PROSER2: variants seen among roughly 807,000 people sequenced by gnomAD.
PROSER2 encodes the protein proline and serine rich 2.
PROSER2 carries 18 observed loss-of-function variants against 14.6 expected under a neutral mutation model. That is an observed-to-expected ratio of 1.23 (90% CI 0.85 to 1.83). The LOEUF (loss-of-function observed/expected upper bound fraction) is 1.83, where lower values mean the gene tolerates loss of function less well. Ranked by LOEUF, PROSER2 falls within the 40% of genes most tolerant of loss-of-function variation. PROSER2 has a pLI of 0.00. For missense variants in PROSER2, 823 were observed against 629.8 expected (o/e 1.31, Z -3.28); for synonymous variants, 367 against 286.4 (o/e 1.28, Z -2.84).
intron 3 of PROSER2, among the ~76,000 whole-genome samples, chr10:11,868,145 T>TA (rs1834391872): frequency 6.6e-6 from 1 of 152,348 alleles, no homozygotes; most frequent in South Asian, 2.1e-4. Flanking sequence ...TGCTTTGAAA[T>TA]AGAGTTCCAA....
intron 1 of PROSER2, among the ~76,000 whole-genome samples, chr10:11,834,685 A>G (rs957027128): frequency 6.6e-6 from 1 of 152,156 alleles, no homozygotes; most frequent in Admixed American, 6.5e-5. Context: ...CAGTGAGCCA[A>G]GATCGCACCA....
intron 1 of PROSER2, among the ~76,000 whole-genome samples, chr10:11,843,134 G>GT (rs1455555109): frequency 1.3e-5 from 2 of 149,304 alleles, no homozygotes; most frequent in Non-Finnish European, 3.0e-5. Context: ...TATAGACGGG[G>GT]TTTCACCATG....
At chr10:11,829,926 C>T (rs1026606841) in intron 1 of PROSER2, among the ~76,000 whole-genome samples, 1 of 150,022 alleles carries the variant, frequency 6.7e-6, no homozygotes, top group African/African-American at 2.5e-5. Context: ...TCACCGCAGC[C>T]TCCACCTCCT....
At position 11,829,874 on chromosome 10, in the gene PROSER2, C is replaced by T. The variant is rs1015998286; in HGVS notation, c.-82+6404C>T. On this transcript the variant is annotated intron_variant, in intron 1 of 3. Transcript: ENST00000277570. ...TTTTTTTTTTTTTTAGACCAAGTCT[C>T]GCTCTGTCACCCAGGCTGGAGTGCA... is the stretch of plus-strand genomic sequence containing the variant. Among the ~76,000 whole-genome samples the T allele has an allele frequency of 5.4e-4, 64 of 119,522 alleles. 3 individuals are homozygous for T. The highest frequency in any genetic ancestry group is 1.6e-3 in the African/African-American group (53 of 32,232). 78.4% of individuals were successfully genotyped at this position (119,522 alleles called of 152,430 possible).
chr10:11,852,164 C>G lies in PROSER2; in HGVS notation c.87C>G (p.Gly29=). The G allele has an allele frequency of 6.2e-7, 1 of 1,613,284 alleles. No individual in the cohort carries two copies. The highest frequency in any genetic ancestry group is 8.5e-7 in the Non-Finnish European group (1 of 1,179,692). Residue 29 remains glycine (G), a synonymous_variant, in exon 2 of 4, where the codon GGC becomes GGG. Coordinates refer to ENST00000277570, the MANE Select transcript of PROSER2 (RefSeq NM_153256.4). ...GCAGGCTCCGAGCCTTCAGCAGAGG[C>G]GGCAGCCTGGAGAGTCGAAGCAGCA... is the stretch of plus-strand genomic sequence containing the variant. ...PSCRLRAFSR[G]GSLESRSSSS...
chr10:11,842,104 C>A (rs538384292), intron 1 of PROSER2, among the ~76,000 whole-genome samples: 60 of 152,064 alleles, frequency 3.9e-4, no homozygotes, highest in African/African-American at 1.4e-3. Context: ...AGCCTGTGGT[C>A]CCAGCTACTT....
rs1452627168 is a variant in PROSER2, at chr10:11,823,419, G to C, written c.-133G>C. 6.5e-6 allele frequency: 1 copy of C among 154,276 alleles called. No individual in the cohort carries two copies. Among genetic ancestry groups the C allele is most frequent in the Admixed American group, 6.5e-5 (1 of 15,272 alleles). 9.6% of individuals were successfully genotyped at this position (154,276 alleles called of 1,614,324 possible). A position where few individuals can be genotyped will look rare whatever the true frequency, so the allele number is the denominator to read the frequency against. On this transcript the variant is annotated 5_prime_UTR_variant, in exon 1 of 4. Coordinates refer to ENST00000277570, the MANE Select transcript of PROSER2 (RefSeq NM_153256.4). The surrounding 1 kb of genome is among the most constrained non-coding windows in gnomAD (Gnocchi z 6.2). ...AGACGGGCGGCGGCGTGAGGGCTCCGGGTCGCTGGCGGCGTGGACACCTGA... is the reference window on the plus strand; with the variant it reads ...AGACGGGCGGCGGCGTGAGGGCTCCCGGTCGCTGGCGGCGTGGACACCTGA...
rs367990641 is a variant in PROSER2 at position 11,869,734 on chromosome 10, G to C, written c.636G>C (p.Ser212=). The change falls in exon 4 of 4, where the codon TCG becomes TCC. Residue 212 remains serine, a synonymous_variant. Transcript: ENST00000277570. This position sits in a 1 kb window ranked among gnomAD's most constrained non-coding sequence, Gnocchi z 4.4. ...GGATGGCGGGGAACGAAGCCCTCTC[G>C]CCCACCTCCCCGTTCAGGGAGGGCC... The part of the protein sequence containing the change: ...SERMAGNEAL[S]PTSPFREGRP... 2 of 1,588,588 alleles carry C rather than the reference G, an allele frequency of 1.3e-6. No homozygotes were observed. Among genetic ancestry groups the C allele is most frequent in the Admixed American group, 1.8e-5 (1 of 56,842 alleles).
Position 11,854,571 on chromosome 10 carries a change from C to A in PROSER2, c.138+2356C>A, listed in dbSNP as rs182444490. On this transcript the variant is annotated intron_variant, in intron 2 of 3. Transcript: ENST00000277570. ...AGCAATCCTCCTGCCTCAGCCTTCG[C>A]AAGTGCTGGGATTATAGGCATGAGC... Among the ~76,000 whole-genome samples, 7 of 151,538 alleles carry A rather than the reference C, an allele frequency of 4.6e-5. No homozygotes were observed. In the South Asian group the frequency reaches 6.3e-4, roughly 14 times the overall value.
At chr10:11,828,941 C>CT (rs1380576023) in intron 1 of PROSER2, among the ~76,000 whole-genome samples, 1 of 152,062 alleles carries the variant, frequency 6.6e-6, no homozygotes, top group Non-Finnish European at 1.5e-5. Flanking sequence ...AGAACACCAG[C>CT]TGGAGAACGT....
At chr10:11,855,982 G>A (rs1167794982) in intron 2 of PROSER2, among the ~76,000 whole-genome samples, 1 of 152,140 alleles carries the variant, frequency 6.6e-6, no homozygotes, top group Admixed American at 6.6e-5. Context: ...TTAATGAAAG[G>A]TATAGGTAGA....
intron 2 of PROSER2, among the ~76,000 whole-genome samples, chr10:11,861,927 CTA>C (rs1834248713): frequency 6.6e-6 from 1 of 152,196 alleles, no homozygotes; most frequent in African/African-American, 2.4e-5. Flanking sequence ...ACACTGGAAA[CTA>C]TGAGAAACAT....
At chr10:11,853,198 T>C (rs751098929) in intron 2 of PROSER2, among the ~76,000 whole-genome samples, 7 of 152,218 alleles carry the variant, frequency 4.6e-5, no homozygotes, top group African/African-American at 9.6e-5. Context: ...AAGCTAGATA[T>C]ACTTGGTATG....
At chr10:11,863,757 A>C (rs975169110) in intron 2 of PROSER2, among the ~76,000 whole-genome samples, 5 of 152,114 alleles carry the variant, frequency 3.3e-5, no homozygotes, top group African/African-American at 1.2e-4. Flanking sequence ...TGTCTGTATT[A>C]AGTATGCACA....
At chr10:11,863,542 A>C (rs12414508) in intron 2 of PROSER2, among the ~76,000 whole-genome samples, 6 of 146,800 alleles carry the variant, frequency 4.1e-5, no homozygotes, top group African/African-American at 1.0e-4. Flanking sequence ...CATCCCCCCC[A>C]CAAAAAAAAA....
In PROSER2 at chr10:11,865,749, G is replaced by A. The variant is rs1324319564; in HGVS notation, c.139-782G>A. On this transcript the variant is annotated intron_variant, in intron 2 of 3. Coordinates refer to ENST00000277570, the MANE Select transcript of PROSER2 (RefSeq NM_153256.4). This position sits in a 1 kb window ranked among gnomAD's most constrained non-coding sequence, Gnocchi z 4.2. ...ACTCCACCGTCAGCTTTGCTCCGTG[G>A]CCCCACTTCAGGGTTCCTCTGTCAC... Among the ~76,000 whole-genome samples the A allele has an allele frequency of 6.6e-6, 1 of 152,180 alleles. No homozygotes were observed. The highest frequency in any genetic ancestry group is 1.5e-5 in the Non-Finnish European group (1 of 68,032).
intron 2 of PROSER2, among the ~76,000 whole-genome samples, chr10:11,863,520 C>T (rs899559178): frequency 1.4e-4 from 21 of 149,678 alleles, no homozygotes; most frequent in Admixed American, 8.7e-4. Flanking sequence ...AGCCTGGCAA[C>T]GGGAGTGAAA....
chr10:11,849,522 C>A (rs1833981407), intron 1 of PROSER2: 1 of 152,216 alleles, frequency 6.6e-6, no homozygotes, highest in Non-Finnish European at 1.5e-5. Flanking sequence ...GGAATCTCCC[C>A]AAGGTGAGGT....
rs114529847 is a variant in PROSER2 at position 11,855,849 on chromosome 10, C to T, written c.138+3634C>T. Among the ~76,000 whole-genome samples the T allele has an allele frequency of 8.0e-3, 1,213 of 152,222 alleles. 17 individuals carry two copies. The highest frequency in any genetic ancestry group is 0.028 in the African/African-American group (1,159 of 41,528). ...CTTAAATAGGATTGTTGAGGCTATC[C>T]GTATGGCCACAATTATGACTGAGGC... On this transcript the variant is annotated intron_variant, in intron 2 of 3. Transcript: ENST00000277570.
Sources: allele counts gnomAD v4.1 joint callset (sites outside exome capture counted in the v4.1 genomes callset), GRCh38; gene constraint gnomAD v4.1.1; non-coding constraint Gnocchi (gnomAD v3.1); transcripts MANE v1.5; gene names NCBI Gene and HGNC (gene_info 2026-07-23, HGNC 2026-07-21).